The following TBC1D22B variants were observed in gnomAD, a reference collection of about 807,000 sequenced individuals.
TBC1D22B encodes TBC1 domain family member 22B.
A neutral mutation model predicts 69.1 loss-of-function variants in TBC1D22B; 32 were observed. The ratio of observed to expected loss-of-function variants is 0.46; its 90% CI spans 0.35 to 0.62. The LOEUF (loss-of-function observed/expected upper bound fraction) is 0.62, where lower values mean the gene tolerates loss of function less well. Among genes scored for constraint, TBC1D22B ranks in the 20% least tolerant of loss-of-function variants. The pLI is 0.00. For missense variants in TBC1D22B, 462 were observed against 630.9 expected (o/e 0.73, Z 2.87); for synonymous variants, 206 against 229.8 (o/e 0.90, Z 0.94).
chr6:37,281,612 C>T (rs1010409593), intron 3 of TBC1D22B, among the ~76,000 whole-genome samples: 3 of 152,182 alleles, frequency 2.0e-5, no homozygotes, highest in African/African-American at 7.2e-5. Flanking sequence ...GATATTGATC[C>T]TTTTAGTCCT....
intron 1 of TBC1D22B, among the ~76,000 whole-genome samples, chr6:37,264,308 T>G (rs185109515): frequency 3.9e-5 from 6 of 152,214 alleles, no homozygotes; most frequent in African/African-American, 9.6e-5. Context: ...TGTTTTGTTT[T>G]GTTTGGTTTT....
chr6:37,257,822 G>C lies in TBC1D22B; in HGVS notation c.-96G>C. 1 of 1,398,322 alleles carries C rather than the reference G, an allele frequency of 7.2e-7. No individual in the cohort carries two copies. The highest frequency in any genetic ancestry group is 9.8e-7 in the Non-Finnish European group (1 of 1,023,576). 86.6% of individuals were successfully genotyped at this position (1,398,322 alleles called of 1,614,324 possible). Reference sequence around the variant, plus strand: ...CTGGGAGCGGGTGACCGGCGGCGGGGAAGCGGCCTGGGTTGGCCCTCAGAT... The same window carrying C: ...CTGGGAGCGGGTGACCGGCGGCGGGCAAGCGGCCTGGGTTGGCCCTCAGAT... On this transcript the variant is annotated 5_prime_UTR_variant, in exon 1 of 13. Transcript: ENST00000373491.
intron 6 of TBC1D22B, 23 bp downstream of exon 6, chr6:37,284,487 C>G (rs1766943432): frequency 1.9e-6 from 3 of 1,545,106 alleles, no homozygotes; most frequent in East Asian, 4.5e-5. Context: ...CCTGCTGCCT[C>G]TTTGCTTACC....
intron 1 of TBC1D22B, 142 bp downstream of exon 1, chr6:37,258,115 G>T: frequency 1.1e-6 from 1 of 940,092 alleles, no homozygotes; most frequent in East Asian, 3.0e-5. Context: ...CGGCAGGGCA[G>T]CTGTCAGGCA....
At chr6:37,329,597 C>T (rs1768525175) in intron 12 of TBC1D22B, among the ~76,000 whole-genome samples, 1 of 152,186 alleles carries the variant, frequency 6.6e-6, no homozygotes, top group Non-Finnish European at 1.5e-5. Context: ...TCTACTGTAA[C>T]CAAGACCTCA....
In TBC1D22B at chr6:37,296,634, C is replaced by A. The variant is rs185992818; in HGVS notation, c.982+5277C>A. On this transcript the variant is annotated intron_variant, in intron 8 of 12. Transcript: ENST00000373491. The stretch of plus-strand genomic sequence containing the variant: ...AAAGTGTTGGGATTACAGGCATGAG[C>A]CACCATGCCTGATCCTAGTCTTACC... 6.4e-4 allele frequency among the ~76,000 whole-genome samples: 98 copies of A among 152,252 alleles called. 3 individuals are homozygous for A. The East Asian group carries it at 0.019, about 29-fold the overall frequency.
At chr6:37,330,685 A>G (rs1562072675) in intron 12 of TBC1D22B, among the ~76,000 whole-genome samples, 1 of 152,224 alleles carries the variant, frequency 6.6e-6, no homozygotes. Context: ...ATTTAAAGAA[A>G]TATGCATGTG....
chr6:37,270,357 A>G (rs1766445858), intron 2 of TBC1D22B, among the ~76,000 whole-genome samples: 2 of 152,190 alleles, frequency 1.3e-5, no homozygotes, highest in Non-Finnish European at 2.9e-5. Flanking sequence ...AGGCTGAGGC[A>G]TGAGAATCGC....
Position 37,282,968 on chromosome 6 carries a change from T to G in TBC1D22B, c.672+16T>G. ...ACTCCTGTCGGTGAGTTCTACCCAC[T>G]GTGTAGAGAAATGTGAGCCTCACAC... On this transcript the variant is annotated intron_variant, in intron 5 of 12. Transcript: ENST00000373491. 1 of 1,612,426 alleles carries G rather than the reference T, an allele frequency of 6.2e-7. No individual in the cohort carries two copies. Among genetic ancestry groups the G allele is most frequent in the Non-Finnish European group, 8.5e-7 (1 of 1,178,704 alleles).
intron 2 of TBC1D22B, among the ~76,000 whole-genome samples, chr6:37,274,162 A>G (rs1436369654): frequency 6.6e-6 from 1 of 152,252 alleles, no homozygotes; most frequent in Admixed American, 6.5e-5. Flanking sequence ...GCTAGGTCCT[A>G]ATTCCAAGTT....
intron 8 of TBC1D22B, among the ~76,000 whole-genome samples, chr6:37,300,530 T>A (rs1192194732): frequency 2.6e-5 from 4 of 152,204 alleles, no homozygotes; most frequent in South Asian, 4.1e-4. Context: ...CTGGCTAATT[T>A]TTGTATTTTT....
In TBC1D22B at chr6:37,313,007, C is replaced by T. The variant is rs1767963933; in HGVS notation, c.1072C>T (p.Leu358=). The part of the protein sequence containing the change: ...EADSFWCMSK[L]LDGIQDNYTF... ...TGACAGCTTTTGGTGCATGAGCAAG[C>T]TGCTGGATGGAATCCAGGTGAGCTG... The change falls in exon 9 of 13, where the codon CTG becomes TTG. Residue 358 remains leucine, a synonymous_variant. Transcript: ENST00000373491. 1.2e-6 allele frequency: 2 copies of T among 1,614,098 alleles called. No homozygotes were observed. Among genetic ancestry groups the T allele is most frequent in the Non-Finnish European group, 8.5e-7 (1 of 1,179,938 alleles).
At chr6:37,325,926 A>G (rs188921472) in intron 12 of TBC1D22B, among the ~76,000 whole-genome samples, 1 of 152,194 alleles carries the variant, frequency 6.6e-6, no homozygotes, top group African/African-American at 2.4e-5. Flanking sequence ...AGTTTTAGGC[A>G]TAGCCACCAG....
At chr6:37,313,956 G>C in intron 10 of TBC1D22B, 65 bp downstream of exon 10, 1 of 1,468,938 alleles carries the variant, frequency 6.8e-7, no homozygotes. Context: ...AGGCGGTTGT[G>C]CTTGTGGGTC....
intron 1 of TBC1D22B, among the ~76,000 whole-genome samples, chr6:37,262,703 A>G (rs1010751203): frequency 6.6e-6 from 1 of 152,246 alleles, no homozygotes; most frequent in Admixed American, 6.5e-5. Context: ...TCGAAACAGC[A>G]TAGATCACCT....
chr6:37,311,740 C>A (rs1157374518), intron 8 of TBC1D22B, among the ~76,000 whole-genome samples: 1 of 152,162 alleles, frequency 6.6e-6, no homozygotes, highest in Non-Finnish European at 1.5e-5. Flanking sequence ...ATGCCTGTGT[C>A]TCTGTAGCAC....
chr6:37,293,279 A>G (rs1767251144), intron 8 of TBC1D22B, among the ~76,000 whole-genome samples: 1 of 151,830 alleles, frequency 6.6e-6, no homozygotes, highest in Admixed American at 6.6e-5. Context: ...GGGTTTCACC[A>G]TGTTAGCCAG....
At chr6:37,303,354 GA>G (rs1398890914) in intron 8 of TBC1D22B, among the ~76,000 whole-genome samples, 2 of 152,132 alleles carry the variant, frequency 1.3e-5, no homozygotes, top group Non-Finnish European at 2.9e-5. Context: ...GAAATGCTAA[GA>G]ATTGTTCATG....
chr6:37,300,692 A>T lies in TBC1D22B; in HGVS notation c.982+9335A>T, dbSNP rs116787167. Among the ~76,000 whole-genome samples the T allele has an allele frequency of 6.7e-3, 1,017 of 152,212 alleles. 16 individuals are homozygous for T. The highest frequency in any genetic ancestry group is 0.023 in the African/African-American group (974 of 41,526). On this transcript the variant is annotated intron_variant, in intron 8 of 12. Coordinates refer to ENST00000373491, the MANE Select transcript of TBC1D22B (RefSeq NM_017772.4). The stretch of plus-strand genomic sequence containing the variant: ...TTTTTATTAGTGGCTTTTTAAAAAA[A>T]ATTCCCCCCACCCAGGGCCAGTCTC...
Sources: gnomAD v4.1 joint callset for allele counts (sites outside exome capture counted in the v4.1 genomes callset) on GRCh38, gnomAD v4.1.1 for gene constraint, MANE v1.5 for transcripts, NCBI Gene and HGNC (gene_info 2026-07-23, HGNC 2026-07-21) for gene names.